The following KANK4 variants were observed in gnomAD, a reference collection of about 807,000 sequenced individuals.
The protein encoded by KANK4 is KN motif and ankyrin repeat domain-containing protein 4.
Under a neutral mutation model 80.8 loss-of-function variants are expected in KANK4, and 50 were observed. The observed-to-expected ratio is 0.62, with a 90% confidence interval of 0.49 to 0.78. KANK4 has a LOEUF of 0.78. Among genes scored for constraint, KANK4 ranks in the 30% least tolerant of loss-of-function variants. The pLI is 0.00. For missense variants in KANK4, 1,196 were observed against 1,240.1 expected, an observed-to-expected ratio of 0.96 and a Z score of 0.53; for synonymous variants, 465 against 506.9, an observed-to-expected ratio of 0.92 and a Z score of 1.11.
Position 62,275,089 on chromosome 1 carries a change from TG to T in KANK4, c.17-3del. The stretch of plus-strand genomic sequence containing the variant: ...CCCCCTGAGAGGACTGGTCTTTGGC[TG>T]GGAGACATAAGACAAGTTAAAAAAA... On this transcript the variant is annotated splice_region_variant and splice_polypyrimidine_tract_variant and intron_variant, in intron 2 of 9. Transcript: ENST00000371153. The T allele has an allele frequency of 6.3e-7, 1 of 1,585,140 alleles. No individual in the cohort carries two copies. The highest frequency in any genetic ancestry group is 1.2e-5 in the South Asian group (1 of 86,410).
At chr1:62,307,691 C>T (rs1181423033) in intron 1 of KANK4, among the ~76,000 whole-genome samples, 2 of 151,980 alleles carry the variant, frequency 1.3e-5, no homozygotes, top group Non-Finnish European at 2.9e-5. Flanking sequence ...ACCGAAGGTC[C>T]ACTGCTCACC....
At chr1:62,276,085 G>A (rs1017088781) in intron 2 of KANK4, among the ~76,000 whole-genome samples, 1 of 151,870 alleles carries the variant, frequency 6.6e-6, no homozygotes, top group African/African-American at 2.4e-5. Context: ...TACCCTGGGG[G>A]GCCATCATGA....
intron 1 of KANK4, among the ~76,000 whole-genome samples, chr1:62,300,917 A>AT (rs568818349): frequency 2.6e-5 from 4 of 151,750 alleles, no homozygotes; most frequent in Admixed American, 6.6e-5. Flanking sequence ...CCTTTTATTT[A>AT]TTTTTTTTCT....
At chr1:62,281,669 C>T (rs1285183066) in intron 1 of KANK4, 35 bp from the exon 2 acceptor site, 1 of 1,302,384 alleles carries the variant, frequency 7.7e-7, no homozygotes, top group Non-Finnish European at 1.1e-6. Context: ...TGGTGAGTCT[C>T]ATTAGCGTTT....
chr1:62,300,709 AG>A (rs1403689033), intron 1 of KANK4, among the ~76,000 whole-genome samples: 4 of 152,098 alleles, frequency 2.6e-5, no homozygotes, highest in Non-Finnish European at 5.9e-5. Flanking sequence ...AACCATCAAA[AG>A]TTCTTAAGCA....
chr1:62,262,184 C>A (rs114436179), intron 7 of KANK4, among the ~76,000 whole-genome samples: 1 of 152,222 alleles, frequency 6.6e-6, no homozygotes, highest in Admixed American at 6.5e-5. Context: ...AGAGGCAGTA[C>A]GGTATATAGC....
intron 9 of KANK4, among the ~76,000 whole-genome samples, chr1:62,243,800 C>A (rs1186773471): frequency 6.6e-6 from 1 of 152,196 alleles, no homozygotes; most frequent in African/African-American, 2.4e-5. Flanking sequence ...TCACCCCTAG[C>A]TGAGAACCAC....
intron 2 of KANK4, among the ~76,000 whole-genome samples, chr1:62,276,917 T>A (rs186474822): frequency 1.3e-5 from 2 of 152,354 alleles, no homozygotes; most frequent in East Asian, 3.9e-4. Context: ...AAGTGACTTA[T>A]ATGACTCACT....
chr1:62,268,159 C>T (rs561587643), intron 5 of KANK4, 128 bp downstream of exon 5: 6 of 770,148 alleles, frequency 7.8e-6, no homozygotes, highest in Admixed American at 2.4e-5. Context: ...GGGCATGAAA[C>T]AGAGACTTAA....
intron 1 of KANK4, among the ~76,000 whole-genome samples, chr1:62,291,806 T>C (rs1429225531): frequency 2.0e-5 from 3 of 152,140 alleles, no homozygotes; most frequent in Admixed American, 6.5e-5. Flanking sequence ...GGGGTTTCAC[T>C]GTGTTGGTCA....
At chr1:62,303,833 T>C (rs181973941) in intron 1 of KANK4, among the ~76,000 whole-genome samples, 2 of 152,184 alleles carry the variant, frequency 1.3e-5, no homozygotes, top group East Asian at 3.9e-4. Flanking sequence ...TTTTCTTTAA[T>C]GTACTCCTAG....
intron 9 of KANK4, among the ~76,000 whole-genome samples, chr1:62,244,873 C>T (rs1671429006): frequency 6.6e-6 from 1 of 152,174 alleles, no homozygotes; most frequent in Non-Finnish European, 1.5e-5. Context: ...CGTTTAAAGT[C>T]CATGCTTCTA....
chr1:62,286,616 T>G (rs569028332), intron 1 of KANK4, among the ~76,000 whole-genome samples: 2 of 152,310 alleles, frequency 1.3e-5, no homozygotes, highest in African/African-American at 2.4e-5. Flanking sequence ...CTATAATTAA[T>G]TATGAGCTTC....
intron 2 of KANK4, among the ~76,000 whole-genome samples, chr1:62,275,824 AAGAGAGAAAGAGAG>A (rs992215017): frequency 7.0e-6 from 1 of 143,084 alleles, no homozygotes; most frequent in African/African-American, 2.5e-5. Context: ...TGAAGAAAGA[AAGAGAGAAAGAGAG>A]AGAGAGGGAG....
intron 1 of KANK4, among the ~76,000 whole-genome samples, chr1:62,313,267 G>C (rs1644512100): frequency 6.6e-6 from 1 of 152,166 alleles, no homozygotes; most frequent in Non-Finnish European, 1.5e-5. Flanking sequence ...GAGGGTCCTG[G>C]AATGTATCTC....
intron 1 of KANK4, among the ~76,000 whole-genome samples, chr1:62,301,584 G>A (rs142433966): frequency 5.3e-5 from 8 of 152,190 alleles, no homozygotes; most frequent in African/African-American, 1.9e-4. Flanking sequence ...GCTTTGGAGT[G>A]TGTGGATCCG....
In KANK4 at chr1:62,296,413, T is replaced by A. The variant is rs1288733488; in HGVS notation, c.-70-14779A>T. On this transcript the variant is annotated intron_variant, in intron 1 of 9. Coordinates refer to ENST00000371153, the MANE Select transcript of KANK4 (RefSeq NM_181712.5). ...AATATTGGCTCCATTTGTCCATGGC[T>A]TTTTCATCACTGAATGACCTCAATC... 2.6e-5 allele frequency among the ~76,000 whole-genome samples: 4 copies of A among 152,274 alleles called. No individual in the cohort carries two copies. The East Asian group carries it at 7.7e-4, about 29-fold the overall frequency.
chr1:62,240,380 G>C (rs535339926), intron 9 of KANK4, among the ~76,000 whole-genome samples: 18 of 152,306 alleles, frequency 1.2e-4, no homozygotes, highest in African/African-American at 4.1e-4. Context: ...CTTAGAAGTG[G>C]GCTCAGAGGC....
intron 1 of KANK4, among the ~76,000 whole-genome samples, chr1:62,288,713 A>C (rs188438596): frequency 6.6e-6 from 1 of 152,168 alleles, no homozygotes; most frequent in African/African-American, 2.4e-5. Flanking sequence ...GCATTAACCA[A>C]TGAAAAATGC....
Sources: allele counts gnomAD v4.1 joint callset (sites outside exome capture counted in the v4.1 genomes callset), GRCh38; gene constraint gnomAD v4.1.1; transcripts MANE v1.5; gene names NCBI Gene and HGNC (gene_info 2026-07-23, HGNC 2026-07-21).